The following ZNF215 variants were observed in gnomAD, a reference collection of about 807,000 sequenced individuals.
ZNF215 encodes zinc finger protein 215.
Under a neutral mutation model 27.2 loss-of-function variants are expected in ZNF215, and 24 were observed. That is an observed-to-expected ratio of 0.88 (90% CI 0.64 to 1.24). The LOEUF (loss-of-function observed/expected upper bound fraction) is 1.24. Ranked by LOEUF, ZNF215 falls within the 50% of genes most tolerant of loss-of-function variation. The probability of loss-of-function intolerance (pLI) is 0.00; values close to 1 mark genes in which losing one functional copy is unlikely to be tolerated. For synonymous variants in ZNF215, 210 were observed against 204.0 expected (o/e 1.03, Z -0.25); for missense variants, 675 against 605.7 (o/e 1.11, Z -1.20).
At chr11:6,969,640 G>T (rs1850684412) in intron 5 of ZNF215, among the ~76,000 whole-genome samples, 1 of 151,940 alleles carries the variant, frequency 6.6e-6, no homozygotes, top group Non-Finnish European at 1.5e-5. Flanking sequence ...GGTAGCAAAA[G>T]CACAGAATTA....
At chr11:6,977,986 G>A (rs1448179271) in intron 5 of ZNF215, among the ~76,000 whole-genome samples, 1 of 151,982 alleles carries the variant, frequency 6.6e-6, no homozygotes, top group Non-Finnish European at 1.5e-5. Flanking sequence ...CTCAAATCCG[G>A]GAAAAGGCAA....
At chr11:6,971,507 G>A (rs1291948438) in intron 5 of ZNF215, among the ~76,000 whole-genome samples, 1 of 152,106 alleles carries the variant, frequency 6.6e-6, no homozygotes, top group Non-Finnish European at 1.5e-5. Flanking sequence ...AGAATGCCAG[G>A]AAGATAGTAG....
downstream of ZNF215, among the ~76,000 whole-genome samples, chr11:6,986,052 G>A (rs1851050088): frequency 6.6e-6 from 1 of 151,990 alleles, no homozygotes; most frequent in Non-Finnish European, 1.5e-5. Flanking sequence ...AACCAAAAAA[G>A]ATCTCGAATA....
chr11:6,974,022 T>C (rs1269636433), intron 5 of ZNF215, among the ~76,000 whole-genome samples: 1 of 152,082 alleles, frequency 6.6e-6, no homozygotes, highest in East Asian at 1.9e-4. Flanking sequence ...GTTTTTATGG[T>C]TTTAGGTCTA....
intron 6 of ZNF215, 112 bp from the exon 7 acceptor site, chr11:6,955,578 C>T: frequency 8.7e-7 from 1 of 1,144,346 alleles, no homozygotes; most frequent in Non-Finnish European, 1.2e-6. Flanking sequence ...CCTCACATTT[C>T]CATTCTGTAT....
intron 5 of ZNF215, 90 bp from the exon 6 acceptor site, chr11:6,943,456 G>C: frequency 1.6e-6 from 2 of 1,282,010 alleles, no homozygotes; most frequent in Admixed American, 1.9e-5. Flanking sequence ...TTGGATTACT[G>C]TGTCGGGATA....
At chr11:6,955,179 G>C (rs1375696823) in intron 6 of ZNF215, among the ~76,000 whole-genome samples, 2 of 152,178 alleles carry the variant, frequency 1.3e-5, no homozygotes, top group Non-Finnish European at 2.9e-5. Context: ...TATGTAGGGA[G>C]TAATTGTGGC....
At chr11:6,936,698 A>G (rs1485177378) in intron 3 of ZNF215, among the ~76,000 whole-genome samples, 2 of 152,058 alleles carry the variant, frequency 1.3e-5, no homozygotes, top group Non-Finnish European at 2.9e-5. Flanking sequence ...GGCAAACCAA[A>G]TCCAATAGCG....
intron 3 of ZNF215, 24 bp from the exon 4 acceptor site, chr11:6,941,547 A>G (rs371766314): frequency 6.2e-7 from 1 of 1,609,602 alleles, no homozygotes; most frequent in African/African-American, 1.3e-5. Context: ...TTGTCTCCCT[A>G]ATATTTTCCT....
downstream of ZNF215, among the ~76,000 whole-genome samples, chr11:6,990,229 C>G (rs1027030328): frequency 6.6e-6 from 1 of 152,088 alleles, no homozygotes; most frequent in African/African-American, 2.4e-5. Context: ...TGGATTTCTT[C>G]GTAGCAGTAT....
At position 6,967,923 on chromosome 11, in the gene ZNF215, T is replaced by C. The variant is rs142529819; in HGVS notation, c.805+12141T>C. On this transcript the variant is annotated intron_variant, in intron 5 of 5. Transcript: ENST00000529903. ...TTGTAGGTTGTGATGGTTTTAGGTCTTACGTTTGTCTTTAATCCATCTTGA... is the reference window on the plus strand; with the variant it reads ...TTGTAGGTTGTGATGGTTTTAGGTCCTACGTTTGTCTTTAATCCATCTTGA... Among the ~76,000 whole-genome samples the C allele has an allele frequency of 8.3e-4, 127 of 152,334 alleles. 1 individual carries two copies. In the East Asian group the frequency reaches 0.02, roughly 25 times the overall value.
intron 3 of ZNF215, among the ~76,000 whole-genome samples, chr11:6,936,833 G>A (rs1849453187): frequency 6.6e-6 from 1 of 150,850 alleles, no homozygotes; most frequent in South Asian, 2.1e-4. Flanking sequence ...AAAATTACAC[G>A]ATTATCTCAA....
downstream of ZNF215, among the ~76,000 whole-genome samples, chr11:6,993,213 T>C (rs1382365778): frequency 1.3e-5 from 2 of 152,184 alleles, no homozygotes; most frequent in Non-Finnish European, 2.9e-5. Context: ...GAGGACACCC[T>C]ACTCTGTATC....
intron 5 of ZNF215, among the ~76,000 whole-genome samples, chr11:6,977,778 G>A (rs1348024336): frequency 6.6e-6 from 1 of 152,034 alleles, no homozygotes; most frequent in African/African-American, 2.4e-5. Flanking sequence ...TTGTGATAAT[G>A]AATACACTCT....
intron 6 of ZNF215, among the ~76,000 whole-genome samples, chr11:6,948,567 T>A (rs1470912678): frequency 6.6e-6 from 1 of 152,128 alleles, no homozygotes; most frequent in African/African-American, 2.4e-5. Flanking sequence ...CAGTCTCTCA[T>A]TTGTTAAGCT....
At chr11:6,991,140 G>T (rs1219912068), downstream of ZNF215, among the ~76,000 whole-genome samples, 1 of 152,226 alleles carries the variant, frequency 6.6e-6, no homozygotes, top group South Asian at 2.1e-4. Context: ...TGGACAAGCT[G>T]CCTGGACTGT....
intron 3 of ZNF215, among the ~76,000 whole-genome samples, chr11:6,937,756 A>G (rs773547002): frequency 3.3e-5 from 5 of 151,954 alleles, no homozygotes; most frequent in Non-Finnish European, 7.4e-5. Context: ...AGAAAATAAT[A>G]GTTTTTCAAC....
chr11:6,988,029 G>T (rs1020706659), downstream of ZNF215, among the ~76,000 whole-genome samples: 6 of 152,176 alleles, frequency 3.9e-5, no homozygotes, highest in African/African-American at 1.4e-4. Flanking sequence ...AGAACATTCT[G>T]TAGGAGACTG....
At chr11:6,954,978 ATAAT>A (rs1047275175) in intron 6 of ZNF215, among the ~76,000 whole-genome samples, 3 of 152,266 alleles carry the variant, frequency 2.0e-5, no homozygotes, top group Non-Finnish European at 4.4e-5. Flanking sequence ...GAAGTGGAAC[ATAAT>A]TAAATAAAAC....
Sources: allele counts gnomAD v4.1 joint callset (sites outside exome capture counted in the v4.1 genomes callset), GRCh38; gene constraint gnomAD v4.1.1; transcripts MANE v1.5; gene names NCBI Gene and HGNC (gene_info 2026-07-23, HGNC 2026-07-21).